The following ARHGEF10 variants were observed in gnomAD, a reference collection of about 807,000 sequenced individuals.
The protein encoded by ARHGEF10 is Rho guanine nucleotide exchange factor 10.
Under a neutral mutation model 147.4 loss-of-function variants are expected in ARHGEF10, and 140 were observed. The ratio of observed to expected loss-of-function variants is 0.95; its 90% CI spans 0.83 to 1.09. The LOEUF (loss-of-function observed/expected upper bound fraction) is 1.09. Among genes scored for constraint, ARHGEF10 ranks in the 50% least tolerant of loss-of-function variants. The probability of loss-of-function intolerance (pLI) is 0.00; values close to 1 mark genes in which losing one functional copy is unlikely to be tolerated. For missense variants in ARHGEF10, 2,222 were observed against 1,752.7 expected, an observed-to-expected ratio of 1.27 and a Z score of -4.78; for synonymous variants, 902 against 695.8, an observed-to-expected ratio of 1.30 and a Z score of -4.67.
chr8:1,897,194 C>T (rs534692783), intron 14 of ARHGEF10, among the ~76,000 whole-genome samples: 11 of 152,328 alleles, frequency 7.2e-5, no homozygotes, highest in African/African-American at 1.9e-4. Flanking sequence ...CTACCTGGAG[C>T]GAGTGAACAC....
intron 18 of ARHGEF10, among the ~76,000 whole-genome samples, chr8:1,915,027 A>G (rs1008867275): frequency 1.2e-4 from 18 of 152,142 alleles, no homozygotes; most frequent in Admixed American, 3.3e-4. Context: ...GCAGCTGCTC[A>G]TTACTGTGAA....
intron 15 of ARHGEF10, among the ~76,000 whole-genome samples, chr8:1,902,182 A>T (rs908193178): frequency 6.6e-6 from 1 of 151,720 alleles, no homozygotes; most frequent in African/African-American, 2.4e-5. Flanking sequence ...CCGGTGTGTG[A>T]TGCGCCCCTC....
intron 9 of ARHGEF10, among the ~76,000 whole-genome samples, chr8:1,880,936 C>T (rs1305643622): frequency 2.6e-5 from 4 of 152,300 alleles, no homozygotes; most frequent in South Asian, 4.1e-4. Context: ...CCCTGGGAGC[C>T]GCGTTACCCC....
chr8:1,912,544 C>A (rs1227296645), intron 18 of ARHGEF10, among the ~76,000 whole-genome samples: 1 of 149,072 alleles, frequency 6.7e-6, no homozygotes, highest in Non-Finnish European at 1.5e-5. Context: ...GTTTGCTGTC[C>A]GATGTTAGAT....
At chr8:1,926,304 T>G (rs945027275) in intron 22 of ARHGEF10, 73 bp from the exon 23 acceptor site, 2 of 1,232,144 alleles carry the variant, frequency 1.6e-6, no homozygotes, top group Admixed American at 3.4e-5. Flanking sequence ...AGTCATCCAT[T>G]TAAGACGTTA....
intron 1 of ARHGEF10, among the ~76,000 whole-genome samples, chr8:1,836,869 T>G (rs1293715814): frequency 6.6e-6 from 1 of 152,184 alleles, no homozygotes; most frequent in African/African-American, 2.4e-5. Context: ...TCTCACGAGA[T>G]CTGATGGGTT....
chr8:1,889,928 G>T (rs1446317595), intron 11 of ARHGEF10, among the ~76,000 whole-genome samples: 1 of 139,722 alleles, frequency 7.2e-6, no homozygotes, highest in African/African-American at 2.7e-5. Context: ...GCAGTGAGTG[G>T]GGCGAGGGTT....
intron 27 of ARHGEF10, among the ~76,000 whole-genome samples, chr8:1,951,562 T>C (rs1264856130): frequency 2.0e-5 from 3 of 152,214 alleles, no homozygotes; most frequent in Non-Finnish European, 4.4e-5. Context: ...TTGGCTCTGG[T>C]GTGAGGTTGT....
At chr8:1,834,060 T>A (rs1010415628) in intron 1 of ARHGEF10, among the ~76,000 whole-genome samples, 1 of 152,168 alleles carries the variant, frequency 6.6e-6, no homozygotes, top group African/African-American at 2.4e-5. Context: ...TGCAGAGGCC[T>A]GGGGCACGCA....
In ARHGEF10 at chr8:1,928,761, G is replaced by A. The variant is rs1812883510; in HGVS notation, c.2921+111G>A. On this transcript the variant is annotated intron_variant, in intron 24 of 28. Transcript: ENST00000349830. ...TGACTTTGACTCAGGAGTAGCCCGT[G>A]CAGGAATTAGGGGATACCAGGGGAA... is the stretch of plus-strand genomic sequence containing the variant. 6 of 1,258,322 alleles carry A rather than the reference G, an allele frequency of 4.8e-6. No individual in the cohort carries two copies. The African/African-American group carries it at 8.8e-5, about 19-fold the overall frequency. The allele number at this position is 1,258,322 out of a possible 1,614,324, so 77.9% of individuals were successfully genotyped here.
At chr8:1,905,495 T>C in intron 16 of ARHGEF10, 76 bp from the exon 17 acceptor site, 1 of 1,589,218 alleles carries the variant, frequency 6.3e-7, no homozygotes, top group Non-Finnish European at 8.6e-7. Flanking sequence ...TGAGACTCCA[T>C]ACCAGACTTC....
At chr8:1,870,408 A>G (rs1448113986) in intron 7 of ARHGEF10, 1 of 152,308 alleles carries the variant, frequency 6.6e-6, no homozygotes, top group East Asian at 1.9e-4. Context: ...ATATGAGAAA[A>G]GACTGCAAAA....
At chr8:1,890,325 GCA>G (rs1809392953) in intron 11 of ARHGEF10, among the ~76,000 whole-genome samples, 1 of 148,590 alleles carries the variant, frequency 6.7e-6, no homozygotes, top group African/African-American at 2.5e-5. Flanking sequence ...AGGGTTGTGA[GCA>G]GATACTGAGT....
Position 1,859,972 on chromosome 8 carries a change from A to T in ARHGEF10, c.269A>T (p.Asn90Ile). 1 of 1,614,110 alleles carries T rather than the reference A, an allele frequency of 6.2e-7. No homozygotes were observed. The highest frequency in any genetic ancestry group is 8.5e-7 in the Non-Finnish European group (1 of 1,180,012). ...AAGCTGGTGCTCCCGATGAAAGTCA[A>T]CCCATATTCTGTCATCGACATCACG... ...PTKLVLPMKV[N>I]PYSVIDITPF... is the part of the protein sequence containing the mutation. The change falls in exon 4 of 29, where the codon AAC becomes ATC. Residue 90 changes from asparagine (N) to isoleucine (I), a missense_variant. Coordinates refer to ENST00000349830, the MANE Select transcript of ARHGEF10 (RefSeq NM_014629.4).
chr8:1,849,133 T>A (rs1486878380), intron 2 of ARHGEF10, among the ~76,000 whole-genome samples: 1 of 152,260 alleles, frequency 6.6e-6, no homozygotes, highest in Non-Finnish European at 1.5e-5. Context: ...ATACTTTATT[T>A]GTACCCTTTT....
rs1336729746 is a variant in ARHGEF10 at position 1,917,692 on chromosome 8, A to G, written c.2144-5272A>G. ...AAGAACTTCGCTCACAGAACTGAAAACTCTAGAAACTGTCAGCTAGAGGGC... is the reference window on the plus strand; with the variant it reads ...AAGAACTTCGCTCACAGAACTGAAAGCTCTAGAAACTGTCAGCTAGAGGGC... On this transcript the variant is annotated intron_variant, in intron 18 of 28. Transcript: ENST00000349830. Among the ~76,000 whole-genome samples, 3 of 151,996 alleles carry G rather than the reference A, an allele frequency of 2.0e-5. No homozygotes were observed. The East Asian group carries it at 5.8e-4, about 29-fold the overall frequency.
rs114807465 is a variant in ARHGEF10, at chr8:1,830,003, C to T, written c.-48+5890C>T. Among the ~76,000 whole-genome samples, 592 of 152,318 alleles carry T rather than the reference C, an allele frequency of 3.9e-3. 8 individuals carry two copies. The highest frequency in any genetic ancestry group is 0.014 in the African/African-American group (571 of 41,562). On this transcript the variant is annotated intron_variant, in intron 1 of 28. Transcript: ENST00000349830. ...GTAGCAAGAAGGAGAGGGTTAGGTTCTCCAGTGTGCAGGCTCCGAAGTGCT... is the reference window on the plus strand; with the variant it reads ...GTAGCAAGAAGGAGAGGGTTAGGTTTTCCAGTGTGCAGGCTCCGAAGTGCT...
At chr8:1,885,758 T>A in intron 11 of ARHGEF10, 51 bp downstream of exon 11, 1 of 1,373,562 alleles carries the variant, frequency 7.3e-7, no homozygotes, top group Non-Finnish European at 1.0e-6. Context: ...GCTGTGCTAG[T>A]TTTTAAATAT....
chr8:1,917,454 G>A (rs1348241795), intron 18 of ARHGEF10, among the ~76,000 whole-genome samples: 1 of 152,150 alleles, frequency 6.6e-6, no homozygotes, highest in African/African-American at 2.4e-5. Flanking sequence ...CTCAGGGACC[G>A]AGCACACCCC....
Sources: gnomAD v4.1 joint callset for allele counts (sites outside exome capture counted in the v4.1 genomes callset) on GRCh38, gnomAD v4.1.1 for gene constraint, MANE v1.5 for transcripts, NCBI Gene and HGNC (gene_info 2026-07-23, HGNC 2026-07-21) for gene names.